KDM4C: variants seen among roughly 807,000 people sequenced by gnomAD.
KDM4C encodes the protein lysine-specific demethylase 4C.
KDM4C carries 81 observed loss-of-function variants against 129.3 expected under a neutral mutation model. That is an observed-to-expected ratio of 0.63 (90% CI 0.52 to 0.75). The LOEUF is 0.75. KDM4C is among the 30% of genes least tolerant of loss of function. KDM4C has a pLI of 0.00. For missense variants in KDM4C, 1,457 were observed against 1,304.0 expected, an observed-to-expected ratio of 1.12 and a Z score of -1.81; for synonymous variants, 573 against 456.1, an observed-to-expected ratio of 1.26 and a Z score of -3.26.
At chr9:6,849,360 G>T in intron 4 of KDM4C, 147 bp from the exon 5 acceptor site, 1 of 570,472 alleles carries the variant, frequency 1.8e-6, no homozygotes, top group South Asian at 3.8e-5. Flanking sequence ...TGTGGCTCTT[G>T]AATAAGAGTT....
chr9:7,103,278 A>C lies in KDM4C; in HGVS notation c.2425-407A>C, dbSNP rs1236234509. Among the ~76,000 whole-genome samples, 7 of 152,336 alleles carry C rather than the reference A, an allele frequency of 4.6e-5. No homozygotes were observed. The East Asian group carries it at 1.3e-3, about 29-fold the overall frequency. On this transcript the variant is annotated intron_variant, in intron 17 of 21. Coordinates refer to ENST00000381309, the MANE Select transcript of KDM4C (RefSeq NM_015061.6). Reference sequence around the variant, plus strand: ...TTAGGAAAGAATGACCTGTCCTCCAAACCCATATTCTACTTCTTGATGCAC... The same window carrying C: ...TTAGGAAAGAATGACCTGTCCTCCACACCCATATTCTACTTCTTGATGCAC...
intron 19 of KDM4C, among the ~76,000 whole-genome samples, chr9:7,155,842 A>C (rs775253216): frequency 3.3e-5 from 5 of 152,244 alleles, no homozygotes; most frequent in Non-Finnish European, 7.3e-5. Flanking sequence ...TCTTTATAGT[A>C]GCATGATTTA....
At chr9:7,011,253 A>G (rs564867068) in intron 12 of KDM4C, among the ~76,000 whole-genome samples, 2 of 152,336 alleles carry the variant, frequency 1.3e-5, no homozygotes, top group Admixed American at 6.5e-5. Flanking sequence ...TTAAACTTTT[A>G]TTGAGCCATG....
chr9:6,878,959 AATTTC>A (rs1284469308), intron 5 of KDM4C, among the ~76,000 whole-genome samples: 1 of 152,230 alleles, frequency 6.6e-6, no homozygotes, highest in East Asian at 1.9e-4. Flanking sequence ...CGGTTGGAAC[AATTTC>A]ATTAGCAGTG....
intron 12 of KDM4C, among the ~76,000 whole-genome samples, chr9:7,011,044 TAAA>T (rs955735430): frequency 6.6e-6 from 1 of 151,764 alleles, no homozygotes; most frequent in African/African-American, 2.4e-5. Context: ...AACTCCATCT[TAAA>T]AAAGAAAAAA....
intron 11 of KDM4C, chr9:6,986,932 T>C (rs1817824363): frequency 8.4e-6 from 3 of 357,396 alleles, no homozygotes; most frequent in Non-Finnish European, 1.5e-5. Flanking sequence ...ACTCTTTACT[T>C]TGAGGTAATT....
chr9:6,933,880 C>T (rs965550535), intron 8 of KDM4C, among the ~76,000 whole-genome samples: 1 of 143,124 alleles, frequency 7.0e-6, no homozygotes, highest in Non-Finnish European at 1.6e-5. Flanking sequence ...GATGGAGTCT[C>T]ACTTTGTCAC....
intron 5 of KDM4C, among the ~76,000 whole-genome samples, chr9:6,872,776 A>T (rs1842970320): frequency 6.6e-6 from 1 of 152,118 alleles, no homozygotes; most frequent in Non-Finnish European, 1.5e-5. Flanking sequence ...TGCACGTGAG[A>T]TGAGTCTCCT....
At chr9:6,779,683 A>C (rs951824031) in intron 1 of KDM4C, among the ~76,000 whole-genome samples, 1 of 152,160 alleles carries the variant, frequency 6.6e-6, no homozygotes, top group African/African-American at 2.4e-5. Context: ...CAGTGCTCTA[A>C]CACCAGTCAA....
chr9:6,904,009 G>T (rs1260610213), intron 8 of KDM4C, among the ~76,000 whole-genome samples: 1 of 152,164 alleles, frequency 6.6e-6, no homozygotes, highest in East Asian at 1.9e-4. Context: ...AGAGGCTGAG[G>T]TGGGCAGATC....
chr9:6,958,221 TTAATAA>T (rs1051585181), intron 8 of KDM4C, among the ~76,000 whole-genome samples: 17 of 152,080 alleles, frequency 1.1e-4, no homozygotes, highest in African/African-American at 4.1e-4. Context: ...TGTCAAACAA[TTAATAA>T]TAATACAATA....
intron 17 of KDM4C, 65 bp downstream of exon 17, chr9:7,049,265 A>C: frequency 1.3e-6 from 1 of 798,192 alleles, no homozygotes; most frequent in African/African-American, 1.8e-5. Flanking sequence ...GAATTTTTCC[A>C]TTAATGCACA....
chr9:7,105,280 T>C, intron 18 of KDM4C: 1 of 341,582 alleles, frequency 2.9e-6, no homozygotes, highest in Non-Finnish European at 6.0e-6. Flanking sequence ...GTCAGAGTAG[T>C]TGGTGTTCAC....
Position 6,865,740 on chromosome 9 carries a change from T to A in KDM4C, c.630-14272T>A, listed in dbSNP as rs200960987. Among the ~76,000 whole-genome samples the A allele has an allele frequency of 3.2e-3, 410 of 127,598 alleles. 2 individuals carry two copies. The highest frequency in any genetic ancestry group is 0.02 in the East Asian group (93 of 4,584). The allele number at this position is 127,598 out of a possible 152,430, so 83.7% of individuals were successfully genotyped here. Reference sequence around the variant, plus strand: ...CCACCATGCCTAGCTAATTTTTTTTTAATTTATTTTATTTATTTTTTTTTT... The same window carrying A: ...CCACCATGCCTAGCTAATTTTTTTTAAATTTATTTTATTTATTTTTTTTTT... On this transcript the variant is annotated intron_variant, in intron 5 of 21. Transcript: ENST00000381309.
chr9:7,038,794 A>T (rs1474097013), intron 15 of KDM4C, among the ~76,000 whole-genome samples: 1 of 152,000 alleles, frequency 6.6e-6, no homozygotes, highest in African/African-American at 2.4e-5. Context: ...CAAACTAGAT[A>T]TATTCTGATT....
At chr9:6,855,270 C>G (rs1839593323) in intron 5 of KDM4C, among the ~76,000 whole-genome samples, 1 of 151,822 alleles carries the variant, frequency 6.6e-6, no homozygotes, top group Non-Finnish European at 1.5e-5. Flanking sequence ...ACTAGCCTGG[C>G]CAACATAGTG....
At chr9:7,158,620 GGTT>G (rs1361982810) in intron 19 of KDM4C, among the ~76,000 whole-genome samples, 2 of 152,162 alleles carry the variant, frequency 1.3e-5, no homozygotes, top group African/African-American at 4.8e-5. Flanking sequence ...TTCAGGAGCA[GGTT>G]GTTCAGTTTC....
intron 1 of KDM4C, among the ~76,000 whole-genome samples, chr9:6,790,545 C>T (rs1298817765): frequency 2.0e-5 from 3 of 151,210 alleles, no homozygotes; most frequent in East Asian, 1.9e-4. Flanking sequence ...TGAGCCCTAG[C>T]CCTGGCCAGC....
At chr9:6,990,395 C>T in intron 11 of KDM4C, 21 bp from the exon 12 acceptor site, 3 of 1,485,836 alleles carry the variant, frequency 2.0e-6, no homozygotes, top group South Asian at 1.1e-5. Flanking sequence ...TATTTCTCCA[C>T]CATTTTTGTT....
Sources: gnomAD v4.1 joint callset for allele counts (sites outside exome capture counted in the v4.1 genomes callset) on GRCh38, gnomAD v4.1.1 for gene constraint, MANE v1.5 for transcripts, NCBI Gene and HGNC (gene_info 2026-07-23, HGNC 2026-07-21) for gene names.